Variants in RUNX1 observed in about 807,000 individuals in gnomAD.
The protein encoded by RUNX1 is RUNX family transcription factor 1.
Under a neutral mutation model 42.8 loss-of-function variants are expected in RUNX1, and 19 were observed. The observed-to-expected ratio is 0.44, with a 90% CI of 0.31 to 0.65. The LOEUF is 0.65. RUNX1 is among the 30% of genes least tolerant of loss of function. The probability of loss-of-function intolerance (pLI) is 0.07; values close to 1 mark genes in which losing one functional copy is unlikely to be tolerated. For synonymous variants in RUNX1, 271 were observed against 289.4 expected, an observed-to-expected ratio of 0.94 and a Z score of 0.64; for missense variants, 528 against 672.0, an observed-to-expected ratio of 0.79 and a Z score of 2.37.
intron 5 of RUNX1, among the ~76,000 whole-genome samples, chr21:34,861,956 T>G (rs1335525913): frequency 6.6e-6 from 1 of 151,616 alleles, no homozygotes; most frequent in Non-Finnish European, 1.5e-5. Context: ...TATATACCCA[T>G]GTAGCCCTCA....
At chr21:34,928,741 A>G (rs1601580921) in intron 2 of RUNX1, among the ~76,000 whole-genome samples, 1 of 151,762 alleles carries the variant, frequency 6.6e-6, no homozygotes, top group Non-Finnish European at 1.5e-5. Context: ...GGCCAAAGTT[A>G]TATGTTTCTT....
chr21:34,936,124 G>A (rs2058483024), intron 2 of RUNX1, among the ~76,000 whole-genome samples: 1 of 149,926 alleles, frequency 6.7e-6, no homozygotes, highest in Non-Finnish European at 1.5e-5. Context: ...CAACACATAT[G>A]TGAGTAATGA....
chr21:34,966,729 T>C (rs1332184787), intron 2 of RUNX1, among the ~76,000 whole-genome samples: 1 of 152,220 alleles, frequency 6.6e-6, no homozygotes. Flanking sequence ...TTATTTTTGC[T>C]TTTCCCACTG....
chr21:34,868,764 C>G (rs112914800), intron 5 of RUNX1, among the ~76,000 whole-genome samples: 3 of 152,318 alleles, frequency 2.0e-5, no homozygotes, highest in African/African-American at 7.2e-5. Flanking sequence ...TACTAGCCCC[C>G]AAGGCTGTGG....
In RUNX1 at chr21:34,928,961, T is replaced by TGG. The variant is rs57397826; in HGVS notation, c.59-36000_59-35999dup. The stretch of plus-strand genomic sequence containing the variant: ...CAAGCTTATTTCTACAGATTTTTTT[T>TGG]GGGGGGGGGGGTAGATTTCACTTTG... On this transcript the variant is annotated intron_variant, in intron 2 of 8. Transcript: ENST00000675419. Among the ~76,000 whole-genome samples the TGG allele has an allele frequency of 7.2e-3, 998 of 138,340 alleles. 16 individuals carry two copies. Among genetic ancestry groups the TGG allele is most frequent in the Admixed American group, 0.031 (403 of 13,118 alleles). The allele number at this position is 138,340 out of a possible 152,430, so 90.8% of individuals were successfully genotyped here.
At chr21:34,915,624 A>T (rs1434717011) in intron 2 of RUNX1, among the ~76,000 whole-genome samples, 2 of 152,218 alleles carry the variant, frequency 1.3e-5, no homozygotes, top group Non-Finnish European at 2.9e-5. Flanking sequence ...CAATCACATG[A>T]CTACTTTGAT....
At chr21:35,038,328 TAGA>T (rs2146996310) in intron 2 of RUNX1, 2 of 330,972 alleles carry the variant, frequency 6.0e-6, no homozygotes, top group Admixed American at 4.1e-5. Context: ...AGGCAACTCG[TAGA>T]AGAAGCCCCT....
chr21:34,872,939 C>G (rs8126925), intron 5 of RUNX1, among the ~76,000 whole-genome samples: 41,638 of 151,996 alleles, frequency 0.27, 6,739 homozygotes, highest in African/African-American at 0.44. Flanking sequence ...AGCAGGGAGA[C>G]AAGATACTGA....
At chr21:34,935,739 C>T (rs2146612148) in intron 2 of RUNX1, among the ~76,000 whole-genome samples, 1 of 152,174 alleles carries the variant, frequency 6.6e-6, no homozygotes, top group Non-Finnish European at 1.5e-5. Context: ...ATTAGCCTCC[C>T]CTACTCCTGA....
At chr21:34,884,596 C>T (rs751109560) in intron 4 of RUNX1, among the ~76,000 whole-genome samples, 3 of 152,158 alleles carry the variant, frequency 2.0e-5, no homozygotes, top group South Asian at 2.1e-4. Flanking sequence ...TAAATGAGCC[C>T]GGGATGTAGG....
At position 34,938,385 on chromosome 21, in the gene RUNX1, T is replaced by C. The variant is rs143227437; in HGVS notation, c.59-45422A>G. ...TTCCTATTAGAATGAAAAATCGGAATGGCTTTATTCTCTCTTAACCTTAGA... is the reference window on the plus strand; with the variant it reads ...TTCCTATTAGAATGAAAAATCGGAACGGCTTTATTCTCTCTTAACCTTAGA... On this transcript the variant is annotated intron_variant, in intron 2 of 8. Transcript: ENST00000675419. Among the ~76,000 whole-genome samples the C allele has an allele frequency of 2.6e-5, 4 of 152,326 alleles. No individual in the cohort carries two copies. The East Asian group carries it at 5.8e-4, about 22-fold the overall frequency.
At chr21:34,822,043 C>G (rs1031123702) in intron 7 of RUNX1, among the ~76,000 whole-genome samples, 8 of 152,206 alleles carry the variant, frequency 5.3e-5, no homozygotes, top group African/African-American at 1.9e-4. Context: ...AAATAAGCAG[C>G]AGAGTGAGGG....
intron 2 of RUNX1, among the ~76,000 whole-genome samples, chr21:34,942,868 T>G (rs2058537780): frequency 6.6e-6 from 1 of 152,170 alleles, no homozygotes. Context: ...GCAAGTGAGC[T>G]TAGAGCCTTG....
intron 3 of RUNX1, 73 bp downstream of exon 3, chr21:34,892,852 T>C (rs1178661806): frequency 1.1e-5 from 10 of 880,146 alleles, no homozygotes; most frequent in South Asian, 8.7e-5. Flanking sequence ...TAGAGATACA[T>C]AGATATAAAA....
intron 2 of RUNX1, among the ~76,000 whole-genome samples, chr21:34,965,142 C>A (rs1466627073): frequency 6.6e-6 from 1 of 151,646 alleles, no homozygotes; most frequent in Non-Finnish European, 1.5e-5. Flanking sequence ...CACAAGTGCA[C>A]AGTCCCCCAC....
intron 7 of RUNX1, among the ~76,000 whole-genome samples, chr21:34,831,392 A>G (rs897199261): frequency 3.3e-5 from 5 of 152,148 alleles, no homozygotes; most frequent in Admixed American, 6.5e-5. Flanking sequence ...TGAGATGTCT[A>G]TTTTGAGTGA....
chr21:34,792,199 C>T lies in RUNX1; in HGVS notation c.1379G>A (p.Ser460Asn), dbSNP rs2056448611. 6.5e-7 allele frequency: 1 copy of T among 1,538,132 alleles called. No individual in the cohort carries two copies. The highest frequency in any genetic ancestry group is 8.7e-7 in the Non-Finnish European group (1 of 1,148,748). ...GGGCGCCATGTTGGTGGGGGAGTTG[C>T]TGTGGCTGCCCTCGGCCTCCACCAC... ...SDVVEAEGSH[S>N]NSPTNMAPSA... Residue 460 changes from serine (S) to asparagine (N), a missense_variant, in exon 9 of 9, where the codon AGC (serine) becomes AAC (asparagine). Physicochemically the swap from Ser to Asn is conservative, Grantham distance 46. Around this residue, in one of 3 missense-constraint regions of RUNX1, gnomAD observed 331 missense variants for 382.5 expected, o/e 0.87. Coordinates refer to ENST00000675419, the MANE Select transcript of RUNX1 (RefSeq NM_001754.5). This position sits in a 1 kb window ranked among gnomAD's most constrained non-coding sequence, Gnocchi z 6.9.
chr21:34,930,944 C>A (rs2058439686), intron 2 of RUNX1, among the ~76,000 whole-genome samples: 1 of 152,088 alleles, frequency 6.6e-6, no homozygotes, highest in Non-Finnish European at 1.5e-5. Flanking sequence ...AACTCACATC[C>A]AATATCCTAA....
At chr21:34,917,927 A>G (rs1390002160) in intron 2 of RUNX1, among the ~76,000 whole-genome samples, 1 of 151,948 alleles carries the variant, frequency 6.6e-6, no homozygotes, top group Non-Finnish European at 1.5e-5. Context: ...TCAGGAGTTC[A>G]ATACCAGCCT....
Sources: gnomAD v4.1 joint callset for allele counts (sites outside exome capture counted in the v4.1 genomes callset) on GRCh38, gnomAD v4.1.1 for gene constraint, gnomAD v4.1.1 regional missense constraint, Gnocchi (gnomAD v3.1) non-coding constraint, MANE v1.5 for transcripts, NCBI Gene and HGNC (gene_info 2026-07-23, HGNC 2026-07-21) for gene names.